Variants in PKNOX1 observed in about 807,000 individuals in gnomAD.
The protein encoded by PKNOX1 is PBX/knotted 1 homeobox 1.
Under a neutral mutation model 51.9 loss-of-function variants are expected in PKNOX1, and 15 were observed. That is an observed-to-expected ratio of 0.29 (90% CI 0.19 to 0.45). The LOEUF is 0.45. PKNOX1 is among the 20% of genes least tolerant of loss of function. The pLI, the probability that PKNOX1 is intolerant of heterozygous loss-of-function variation, is 1.00. For synonymous variants in PKNOX1, 219 were observed against 211.1 expected, an observed-to-expected ratio of 1.04 and a Z score of -0.32; for missense variants, 462 against 547.5, an observed-to-expected ratio of 0.84 and a Z score of 1.56.
At chr21:43,014,617 TAA>T (rs1411697561) in intron 5 of PKNOX1, among the ~76,000 whole-genome samples, 1 of 152,204 alleles carries the variant, frequency 6.6e-6, no homozygotes, top group Non-Finnish European at 1.5e-5. Context: ...AGTTTTTTCC[TAA>T]AAGTTTTTAA....
rs771647302 is a variant in PKNOX1, at chr21:43,028,716, G to A, written c.941G>A (p.Arg314Lys). 1 of 1,614,030 alleles carries A rather than the reference G, an allele frequency of 6.2e-7. No individual in the cohort carries two copies. Residue 314 changes from arginine to lysine, a missense_variant, in exon 10 of 11, where the codon AGA becomes AAA. This residue lies in a region of PKNOX1 where 75 missense variants were observed against 129.8 expected (regional missense o/e 0.58). Transcript: ENST00000291547. ...GTTGACTCCAGGTTCATCAATGCCA[G>A]AAGACGAATTCTTCAGCCAATGTTG... ...LQVNNWFINA[R>K]RRILQPMLDS...
chr21:43,005,931 A>G (rs1601288455), intron 2 of PKNOX1, among the ~76,000 whole-genome samples: 1 of 152,178 alleles, frequency 6.6e-6, no homozygotes, highest in Non-Finnish European at 1.5e-5. Context: ...GAGTGTTTCC[A>G]AGGGCCTCGG....
At position 42,977,532 on chromosome 21, in the gene PKNOX1, T is replaced by A. The variant is rs1410825526; in HGVS notation, c.-57+2868T>A. On this transcript the variant is annotated intron_variant, in intron 1 of 10. Coordinates refer to ENST00000291547, the MANE Select transcript of PKNOX1 (RefSeq NM_004571.5). ...ACCTCATGAACCAGCCTCTGCTGCT[T>A]CCAACTTTTTTTTTTTTTTTTTTTT... Among the ~76,000 whole-genome samples the A allele has an allele frequency of 4.3e-5, 6 of 139,220 alleles. No individual in the cohort carries two copies. In the East Asian group the frequency reaches 1.3e-3, roughly 30 times the overall value. 91.3% of individuals were successfully genotyped at this position (139,220 alleles called of 152,430 possible). A position where few individuals can be genotyped will look rare whatever the true frequency, so the allele number is the denominator to read the frequency against.
At chr21:42,997,139 C>G (rs1419442109) in intron 1 of PKNOX1, among the ~76,000 whole-genome samples, 2 of 152,156 alleles carry the variant, frequency 1.3e-5, no homozygotes, top group Non-Finnish European at 2.9e-5. Flanking sequence ...CCTCAGCATC[C>G]CAAAGAGCTG....
At chr21:42,992,126 A>G (rs546571074) in intron 1 of PKNOX1, among the ~76,000 whole-genome samples, 65 of 152,332 alleles carry the variant, frequency 4.3e-4, no homozygotes, top group Non-Finnish European at 8.5e-4. Context: ...CAGCTGCTTC[A>G]TCAGCTCACC....
chr21:43,032,365 G>T lies in PKNOX1; in HGVS notation c.*2264G>T, dbSNP rs148255872. 29 of 364,304 alleles carry T rather than the reference G, an allele frequency of 8.0e-5. No individual in the cohort carries two copies. In the East Asian group the frequency reaches 2.1e-3, roughly 27 times the overall value. The allele number at this position is 364,304 out of a possible 1,614,324, so 22.6% of individuals were successfully genotyped here. On this transcript the variant is annotated 3_prime_UTR_variant, in exon 11 of 11. Transcript: ENST00000291547. ...GCTGCTTGCTCTTTAGTGTAGATTA[G>T]TGGAAGCCATTCACAGAATGTAGAC...
intron 1 of PKNOX1, among the ~76,000 whole-genome samples, chr21:42,987,404 A>AAAAAAAAAAAATAT: frequency 2.4e-5 from 1 of 41,418 alleles, no homozygotes; most frequent in African/African-American, 9.3e-5. Context: ...AAAAAAAAAA[A>AAAAAAAAAAAATAT]ATATATATAT....
intron 8 of PKNOX1, among the ~76,000 whole-genome samples, chr21:43,024,100 A>G (rs1979884454): frequency 6.6e-6 from 1 of 151,992 alleles, no homozygotes; most frequent in Non-Finnish European, 1.5e-5. Context: ...CATAGCAGGC[A>G]CTCCTGTCAC....
intron 9 of PKNOX1, among the ~76,000 whole-genome samples, chr21:43,026,033 T>TA (rs1218783231): frequency 6.6e-6 from 1 of 152,220 alleles, no homozygotes; most frequent in African/African-American, 2.4e-5. Context: ...GTGGTTGTTA[T>TA]ATTCTGCTCA....
intron 5 of PKNOX1, among the ~76,000 whole-genome samples, chr21:43,015,413 T>C (rs1340156265): frequency 1.3e-5 from 2 of 152,260 alleles, no homozygotes; most frequent in African/African-American, 4.8e-5. Context: ...GAACAAGCCT[T>C]CTATTCCTGG....
At chr21:43,004,192 G>A (rs532802558) in intron 1 of PKNOX1, 134 bp from the exon 2 acceptor site, 54 of 461,160 alleles carry the variant, frequency 1.2e-4, no homozygotes, top group Middle Eastern at 5.6e-4. Context: ...AGCCGAGATC[G>A]CGCCATTGCA....
intron 8 of PKNOX1, among the ~76,000 whole-genome samples, chr21:43,023,048 G>A (rs112273870): frequency 0.098 from 14,884 of 151,936 alleles, 834 homozygotes; most frequent in Non-Finnish European, 0.12. Context: ...AAGACGCCGC[G>A]TTTTTTCCTG....
At chr21:43,012,007 A>G (rs1979276791) in intron 4 of PKNOX1, among the ~76,000 whole-genome samples, 1 of 152,164 alleles carries the variant, frequency 6.6e-6, no homozygotes, top group Non-Finnish European at 1.5e-5. Flanking sequence ...GGCAGGGACC[A>G]AGGTTCTCTT....
chr21:43,018,477 CACACACACACACACACACACACACACA>C lies in PKNOX1; in HGVS notation c.720+248_720+274del, dbSNP rs1979607321. Among the ~76,000 whole-genome samples, 2 of 13,906 alleles carry C rather than the reference CACACACACACACACACACACACACACA, an allele frequency of 1.4e-4. 1 individual carries two copies. 9.1% of individuals were successfully genotyped at this position (13,906 alleles called of 152,430 possible). On this transcript the variant is annotated intron_variant, in intron 7 of 10. Coordinates refer to ENST00000291547, the MANE Select transcript of PKNOX1 (RefSeq NM_004571.5). ...ACTCATAACCACCCCCTGCCACCCA[CACACACACACACACACACACACACACA>C]CACACACACACACACACACAGAGTT...
chr21:42,986,232 G>T (rs1328692221), intron 1 of PKNOX1, among the ~76,000 whole-genome samples: 1 of 152,202 alleles, frequency 6.6e-6, no homozygotes, highest in Non-Finnish European at 1.5e-5. Flanking sequence ...GCTGGGCGCA[G>T]TGGCTCATGC....
chr21:43,010,397 C>T (rs1054445352), intron 4 of PKNOX1, among the ~76,000 whole-genome samples, 173 bp downstream of exon 4: 3 of 152,020 alleles, frequency 2.0e-5, no homozygotes, highest in Non-Finnish European at 2.9e-5. Flanking sequence ...GTCTTCCAGC[C>T]TTCTCTAGGT....
In PKNOX1 at chr21:43,004,451, C is replaced by T; in HGVS notation, c.51+19C>T. Reference sequence around the variant, plus strand: ...GCAACAGGTGAGCTTGAACTTGATTCTGCATTCTAATTACAAATCAACCTG... The same window carrying T: ...GCAACAGGTGAGCTTGAACTTGATTTTGCATTCTAATTACAAATCAACCTG... On this transcript the variant is annotated intron_variant, in intron 2 of 10. Coordinates refer to ENST00000291547, the MANE Select transcript of PKNOX1 (RefSeq NM_004571.5). The T allele has an allele frequency of 1.9e-6, 3 of 1,550,704 alleles. No homozygotes were observed. The highest frequency in any genetic ancestry group is 2.7e-6 in the Non-Finnish European group (3 of 1,122,348).
rs759696401 is a variant in PKNOX1 at position 43,007,536 on chromosome 21, T to C, written c.97T>C (p.Ser33Pro). Residue 33 changes from serine (S) to proline (P), a missense_variant, in exon 3 of 11, where the codon TCT (serine) becomes CCT (proline). Coordinates refer to ENST00000291547, the MANE Select transcript of PKNOX1 (RefSeq NM_004571.5). ...ELKTEQDPNC[S>P]EPDAEGVSPP... ...AAAGACAGAACAAGATCCAAACTGCTCTGAACCCGATGCAGAAGGAGTGAG... is the reference window on the plus strand; with the variant it reads ...AAAGACAGAACAAGATCCAAACTGCCCTGAACCCGATGCAGAAGGAGTGAG... The C allele has an allele frequency of 3.1e-6, 5 of 1,613,910 alleles. No individual in the cohort carries two copies. Among genetic ancestry groups the C allele is most frequent in the Non-Finnish European group, 3.4e-6 (4 of 1,179,808 alleles).
chr21:43,017,945 C>T (rs1427599986), intron 6 of PKNOX1, 188 bp from the exon 7 acceptor site: 59 of 544,600 alleles, frequency 1.1e-4, no homozygotes, highest in Admixed American at 3.3e-5. Context: ...CGCAGTGCCT[C>T]ACATCTGTAA....
Sources: allele counts gnomAD v4.1 joint callset (sites outside exome capture counted in the v4.1 genomes callset), GRCh38; gene constraint gnomAD v4.1.1; regional missense constraint gnomAD v4.1.1; transcripts MANE v1.5; gene names NCBI Gene and HGNC (gene_info 2026-07-23, HGNC 2026-07-21).